RPTOR: variants seen among roughly 807,000 people sequenced by gnomAD.
RPTOR encodes regulatory associated protein of MTOR complex 1, also known as regulatory-associated protein of mTOR.
Under a neutral mutation model 169.9 loss-of-function variants are expected in RPTOR, and 21 were observed. The observed-to-expected ratio is 0.12, with a 90% CI of 0.09 to 0.18. RPTOR has a LOEUF of 0.18. Among genes scored for constraint, RPTOR ranks in the 10% least tolerant of loss-of-function variants. The pLI is 1.00. For missense variants in RPTOR, 1,133 were observed against 1,855.9 expected (o/e 0.61, Z 7.16); for synonymous variants, 732 against 753.2 (o/e 0.97, Z 0.46).
intron 6 of RPTOR, among the ~76,000 whole-genome samples, chr17:80,788,884 A>G (rs2067019837): frequency 6.6e-6 from 1 of 152,220 alleles, no homozygotes; most frequent in Non-Finnish European, 1.5e-5. Flanking sequence ...ATTGCTCAGC[A>G]ACACTCTGAT....
rs1352745963 is a variant in RPTOR at position 80,643,713 on chromosome 17, C to T, written c.266-15C>T. The T allele has an allele frequency of 6.2e-7, 1 of 1,606,496 alleles. No individual in the cohort carries two copies. Among genetic ancestry groups the T allele is most frequent in the Non-Finnish European group, 8.5e-7 (1 of 1,174,762 alleles). On this transcript the variant is annotated splice_polypyrimidine_tract_variant and intron_variant, in intron 2 of 33. Coordinates refer to ENST00000306801, the MANE Select transcript of RPTOR (RefSeq NM_020761.3). Reference sequence around the variant, plus strand: ...GCAGACGTAAAGAACTTTCTCTTTTCCATTGCTTCCTCAGATCCTCTGTCG... The same window carrying T: ...GCAGACGTAAAGAACTTTCTCTTTTTCATTGCTTCCTCAGATCCTCTGTCG...
intron 9 of RPTOR, among the ~76,000 whole-genome samples, chr17:80,832,562 G>A (rs968053918): frequency 1.3e-5 from 2 of 152,322 alleles, no homozygotes; most frequent in African/African-American, 4.8e-5. Context: ...GTGAGGAGTG[G>A]TTTCAGACGC....
At chr17:80,943,337 G>A (rs1324512189) in intron 25 of RPTOR, among the ~76,000 whole-genome samples, 1 of 151,918 alleles carries the variant, frequency 6.6e-6, no homozygotes, top group African/African-American at 2.4e-5. Flanking sequence ...TTTTAATTCA[G>A]CTAAAAACAG....
intron 24 of RPTOR, among the ~76,000 whole-genome samples, chr17:80,930,451 G>GCTCATCCTCAGCTCATCCCCAC (rs1446899788): frequency 0.046 from 593 of 12,878 alleles, 10 homozygotes; most frequent in Admixed American, 0.065. Flanking sequence ...CTCATCCTCA[G>GCTCATCCTCAGCTCATCCCCAC]CTCATCCCCA....
At chr17:80,924,806 G>C (rs1567990165) in intron 23 of RPTOR, among the ~76,000 whole-genome samples, 1 of 152,222 alleles carries the variant, frequency 6.6e-6, no homozygotes, top group Non-Finnish European at 1.5e-5. Flanking sequence ...CACTCCACAA[G>C]CACACACAGA....
intron 6 of RPTOR, among the ~76,000 whole-genome samples, chr17:80,755,409 C>T (rs191292903): frequency 5.1e-4 from 78 of 152,026 alleles, no homozygotes; most frequent in African/African-American, 1.8e-3. Context: ...TGAGACCAGC[C>T]TGGGCAACAT....
intron 24 of RPTOR, among the ~76,000 whole-genome samples, chr17:80,935,811 A>G (rs2068948717): frequency 6.6e-6 from 1 of 152,220 alleles, no homozygotes; most frequent in South Asian, 2.1e-4. Context: ...AGGTTAGGCA[A>G]TGTCTTCTTT....
rs2069406659 is a variant in RPTOR at position 80,964,951 on chromosome 17, T to C, written c.*621T>C. 1 of 233,400 alleles carries C rather than the reference T, an allele frequency of 4.3e-6. No individual in the cohort carries two copies. The highest frequency in any genetic ancestry group is 8.5e-6 in the Non-Finnish European group (1 of 118,260). The allele number at this position is 233,400 out of a possible 1,614,324, so 14.5% of individuals were successfully genotyped here. ...GGAAGCCGCCCAGGGGTCCGGGCTG[T>C]CCTTGGCCGCTGGCAGCATCACTGA... On this transcript the variant is annotated 3_prime_UTR_variant, in exon 34 of 34. Transcript: ENST00000306801.
intron 1 of RPTOR, among the ~76,000 whole-genome samples, chr17:80,554,763 CA>C (rs368505345): frequency 1.4e-3 from 168 of 118,736 alleles, no homozygotes; most frequent in Middle Eastern, 4.4e-3. Flanking sequence ...CAAAACAAAA[CA>C]AAACAAACAA....
intron 1 of RPTOR, chr17:80,602,546 C>T (rs957969670): frequency 2.0e-5 from 11 of 543,278 alleles, no homozygotes; most frequent in African/African-American, 1.4e-4. Flanking sequence ...TGATGATCAG[C>T]GATTAGTTCT....
At chr17:80,671,785 T>A (rs1294839919) in intron 3 of RPTOR, among the ~76,000 whole-genome samples, 1 of 152,158 alleles carries the variant, frequency 6.6e-6, no homozygotes, top group Non-Finnish European at 1.5e-5. Flanking sequence ...AGAATCACCT[T>A]CTCAGTTTTG....
chr17:80,569,740 T>A (rs181863246), intron 1 of RPTOR, among the ~76,000 whole-genome samples: 13 of 152,306 alleles, frequency 8.5e-5, no homozygotes, highest in Admixed American at 2.6e-4. Context: ...GTATTTATTA[T>A]CTGCCCCTTT....
At chr17:80,742,664 C>CAT (rs750984963) in intron 5 of RPTOR, among the ~76,000 whole-genome samples, 1 of 135,680 alleles carries the variant, frequency 7.4e-6, no homozygotes. Context: ...AACACATGCA[C>CAT]ATACACATAC....
intron 6 of RPTOR, among the ~76,000 whole-genome samples, chr17:80,781,975 T>A (rs1157610458): frequency 6.6e-6 from 1 of 152,228 alleles, no homozygotes; most frequent in African/African-American, 2.4e-5. Context: ...TGCAGCCATG[T>A]CAGAGCTCTG....
At chr17:80,626,419 A>G (rs2065394748) in intron 2 of RPTOR, among the ~76,000 whole-genome samples, 1 of 152,172 alleles carries the variant, frequency 6.6e-6, no homozygotes, top group African/African-American at 2.4e-5. Context: ...CACTTAAAAA[A>G]AAAATGGAAT....
intron 3 of RPTOR, among the ~76,000 whole-genome samples, chr17:80,679,041 T>C (rs1209874128): frequency 3.3e-5 from 5 of 152,198 alleles, no homozygotes; most frequent in Admixed American, 6.5e-5. Context: ...TTATTCACAC[T>C]GTCCATTATT....
chr17:80,549,423 C>T (rs969774755), intron 1 of RPTOR, among the ~76,000 whole-genome samples: 14 of 152,186 alleles, frequency 9.2e-5, no homozygotes, highest in African/African-American at 3.1e-4. Flanking sequence ...GATTCTCCTG[C>T]CGCAGCCTCC....
chr17:80,950,250 G>A (rs1039429473), intron 28 of RPTOR, among the ~76,000 whole-genome samples: 7 of 152,220 alleles, frequency 4.6e-5, no homozygotes, highest in African/African-American at 1.4e-4. Context: ...CAGAGTGAAC[G>A]CGTTACCCCG....
intron 1 of RPTOR, chr17:80,603,046 T>C: frequency 5.3e-6 from 1 of 189,134 alleles, no homozygotes; most frequent in Non-Finnish European, 1.1e-5. Context: ...GGGATGTTTT[T>C]CTGATGAGTG....
Sources: gnomAD v4.1 joint callset for allele counts (sites outside exome capture counted in the v4.1 genomes callset) on GRCh38, gnomAD v4.1.1 for gene constraint, MANE v1.5 for transcripts, NCBI Gene and HGNC (gene_info 2026-07-23, HGNC 2026-07-21) for gene names.